The following DTNB variants were observed in gnomAD, a reference collection of about 807,000 sequenced individuals.
DTNB encodes the protein dystrobrevin beta, also known as DTN-B.
A neutral mutation model predicts 90.7 loss-of-function variants in DTNB; 63 were observed. That is an observed-to-expected ratio of 0.69 (90% CI 0.57 to 0.86). The LOEUF (loss-of-function observed/expected upper bound fraction) is 0.86. DTNB is among the 40% of genes least tolerant of loss of function. DTNB has a pLI of 0.00. For missense variants in DTNB, 744 were observed against 807.1 expected (o/e 0.92, Z 0.95); for synonymous variants, 277 against 286.7 (o/e 0.97, Z 0.34).
At chr2:25,384,569 C>CA (rs2038925718) in intron 18 of DTNB, among the ~76,000 whole-genome samples, 2 of 152,192 alleles carry the variant, frequency 1.3e-5, no homozygotes, top group Middle Eastern at 6.8e-3. Context: ...AAAACCATGT[C>CA]ACGTTTGGAA....
At chr2:25,531,347 A>G (rs1010559589) in intron 9 of DTNB, 126 bp downstream of exon 9, 2 of 1,437,404 alleles carry the variant, frequency 1.4e-6, no homozygotes, top group Admixed American at 5.0e-5. Flanking sequence ...TTAAGTTCCC[A>G]CAAAAGAAAG....
chr2:25,427,715 C>T, intron 14 of DTNB, 84 bp from the exon 15 acceptor site: 1 of 1,289,114 alleles, frequency 7.8e-7, no homozygotes, highest in East Asian at 2.4e-5. Context: ...AGACCTGATC[C>T]TGCTACTTAC....
At chr2:25,427,430 G>T in intron 15 of DTNB, 105 bp downstream of exon 15, 1 of 1,104,360 alleles carries the variant, frequency 9.1e-7, no homozygotes, top group Non-Finnish European at 1.3e-6. Flanking sequence ...CTAGGCTAAA[G>T]TCAAGCCTTT....
At chr2:25,626,002 C>G (rs1450023501) in intron 4 of DTNB, among the ~76,000 whole-genome samples, 1 of 152,162 alleles carries the variant, frequency 6.6e-6, no homozygotes. Flanking sequence ...AGGAGGCCCT[C>G]CCCACACACA....
intron 16 of DTNB, among the ~76,000 whole-genome samples, chr2:25,401,806 T>G (rs949317977): frequency 1.3e-5 from 2 of 152,254 alleles, no homozygotes; most frequent in African/African-American, 4.8e-5. Flanking sequence ...GTTATCATGG[T>G]AACAGAATGG....
intron 8 of DTNB, among the ~76,000 whole-genome samples, chr2:25,567,435 C>T (rs1383853877): frequency 1.3e-5 from 2 of 152,332 alleles, no homozygotes; most frequent in Admixed American, 6.5e-5. Flanking sequence ...TTTGCTATCA[C>T]TAATGCCCAA....
At chr2:25,497,655 AG>A (rs766384931) in intron 9 of DTNB, 39 of 152,250 alleles carry the variant, frequency 2.6e-4, no homozygotes, top group Non-Finnish European at 1.0e-4. Context: ...TTGAAACAAA[AG>A]GGCTATCCAG....
intron 3 of DTNB, among the ~76,000 whole-genome samples, chr2:25,634,449 C>T (rs1380734138): frequency 6.8e-6 from 1 of 146,372 alleles, no homozygotes; most frequent in South Asian, 2.2e-4. Context: ...GTCAGCCCCC[C>T]GCCCGGCCAG....
At chr2:25,380,915 G>A (rs2037512779) in intron 19 of DTNB, among the ~76,000 whole-genome samples, 1 of 152,226 alleles carries the variant, frequency 6.6e-6, no homozygotes, top group African/African-American at 2.4e-5. Flanking sequence ...GGGGCCTGGA[G>A]GGCTGGGCAA....
At chr2:25,641,608 T>C (rs764385034) in intron 2 of DTNB, among the ~76,000 whole-genome samples, 7 of 152,146 alleles carry the variant, frequency 4.6e-5, no homozygotes, top group Non-Finnish European at 8.8e-5. Context: ...ATATTTCTTA[T>C]TTGAGATATT....
At chr2:25,505,921 T>C (rs1035878926) in intron 9 of DTNB, among the ~76,000 whole-genome samples, 1 of 152,228 alleles carries the variant, frequency 6.6e-6, no homozygotes, top group Non-Finnish European at 1.5e-5. Flanking sequence ...TTTCTCTGTA[T>C]GCCCTCAATG....
At chr2:25,467,427 T>C (rs954354282) in intron 10 of DTNB, among the ~76,000 whole-genome samples, 1 of 150,934 alleles carries the variant, frequency 6.6e-6, no homozygotes, top group African/African-American at 2.4e-5. Context: ...GTCTCTAGAG[T>C]AGCTGGGACT....
intron 6 of DTNB, among the ~76,000 whole-genome samples, chr2:25,592,952 T>C (rs972414487): frequency 2.6e-5 from 4 of 152,210 alleles, no homozygotes; most frequent in Non-Finnish European, 2.9e-5. Flanking sequence ...GAGACGAGCA[T>C]ACAACTTCCA....
At chr2:25,513,375 G>A (rs556615054) in intron 9 of DTNB, among the ~76,000 whole-genome samples, 18 of 152,140 alleles carry the variant, frequency 1.2e-4, no homozygotes, top group African/African-American at 4.1e-4. Context: ...TAATGAACTA[G>A]AGAACCATTG....
chr2:25,605,298 C>A (rs542134696), intron 5 of DTNB, among the ~76,000 whole-genome samples: 84 of 152,246 alleles, frequency 5.5e-4, no homozygotes, highest in African/African-American at 2.0e-3. Flanking sequence ...GTATCACAGC[C>A]ATCCAAACAC....
At chr2:25,420,262 CTTT>C (rs56815083) in intron 15 of DTNB, among the ~76,000 whole-genome samples, 777 of 63,760 alleles carry the variant, frequency 0.012, 8 homozygotes, top group African/African-American at 0.037. Context: ...CAGGCACAGT[CTTT>C]TTTTTTTTTT....
intron 1 of DTNB, among the ~76,000 whole-genome samples, chr2:25,660,105 T>C (rs935915448): frequency 6.6e-6 from 1 of 152,196 alleles, no homozygotes; most frequent in Non-Finnish European, 1.5e-5. Context: ...CTTACACTTA[T>C]GGTCATCTGA....
chr2:25,406,353 G>C (rs1225269996), intron 16 of DTNB, among the ~76,000 whole-genome samples: 1 of 151,954 alleles, frequency 6.6e-6, no homozygotes, highest in Non-Finnish European at 1.5e-5. Context: ...CCAACATGGA[G>C]AAACCCTGTC....
At chr2:25,632,535 T>C (rs2076002276) in intron 3 of DTNB, among the ~76,000 whole-genome samples, 1 of 152,160 alleles carries the variant, frequency 6.6e-6, no homozygotes, top group African/African-American at 2.4e-5. Context: ...CATCCACCCA[T>C]GGATTAACGG....
Sources: allele counts gnomAD v4.1 joint callset (sites outside exome capture counted in the v4.1 genomes callset), GRCh38; gene constraint gnomAD v4.1.1; transcripts MANE v1.5; gene names NCBI Gene and HGNC (gene_info 2026-07-23, HGNC 2026-07-21).